The following EML6 variants were observed in gnomAD, a reference collection of about 807,000 sequenced individuals.
EML6 encodes the protein EMAP like 6.
Under a neutral mutation model 240.1 loss-of-function variants are expected in EML6, and 154 were observed. The ratio of observed to expected loss-of-function variants is 0.64; its 90% CI spans 0.56 to 0.73. The LOEUF is 0.73. EML6 is among the 30% of genes least tolerant of loss of function. The probability of loss-of-function intolerance (pLI) is 0.00; values close to 1 mark genes in which losing one functional copy is unlikely to be tolerated. For missense variants in EML6, 2,964 were observed against 2,474.6 expected (o/e 1.20, Z -4.20); for synonymous variants, 1,148 against 899.0 (o/e 1.28, Z -4.95).
chr2:54,835,882 T>TA (rs1226789780), intron 7 of EML6, among the ~76,000 whole-genome samples: 1 of 152,176 alleles, frequency 6.6e-6, no homozygotes, highest in Non-Finnish European at 1.5e-5. Context: ...GTGTTGTTGT[T>TA]AAGATCCCTT....
intron 11 of EML6, among the ~76,000 whole-genome samples, chr2:54,857,559 T>C (rs1343636182): frequency 6.6e-6 from 1 of 152,004 alleles, no homozygotes; most frequent in Non-Finnish European, 1.5e-5. Context: ...TACAAGAAAA[T>C]ATAAACATCT....
intron 2 of EML6, among the ~76,000 whole-genome samples, chr2:54,808,073 G>A (rs1409037846): frequency 6.6e-6 from 1 of 152,120 alleles, no homozygotes; most frequent in African/African-American, 2.4e-5. Flanking sequence ...GGGTTCTGTG[G>A]GGTTCACACA....
intron 5 of EML6, among the ~76,000 whole-genome samples, chr2:54,822,676 CT>C (rs146247163): frequency 6.6e-6 from 1 of 151,826 alleles, no homozygotes; most frequent in Non-Finnish European, 1.5e-5. Flanking sequence ...AGATTTGTGG[CT>C]TTTTTTTCTT....
chr2:54,785,533 A>G (rs957766521), intron 2 of EML6, among the ~76,000 whole-genome samples: 4 of 152,176 alleles, frequency 2.6e-5, no homozygotes, highest in Non-Finnish European at 5.9e-5. Context: ...CCACAATAGC[A>G]AAGTACTACA....
At position 54,895,109 on chromosome 2, in the gene EML6, G is replaced by A; in HGVS notation, c.2854+83G>A. 6 of 1,334,258 alleles carry A rather than the reference G, an allele frequency of 4.5e-6. No individual in the cohort carries two copies. The South Asian group carries it at 6.5e-5, about 15-fold the overall frequency. The allele number at this position is 1,334,258 out of a possible 1,614,324, so 82.7% of individuals were successfully genotyped here. A position where few individuals can be genotyped will look rare whatever the true frequency, so the allele number is the denominator to read the frequency against. ...TACTAAAGTTTTTAGAAAACTATTAGCAAATCAATTTTCTCCCTCTTCCAT... is the reference window on the plus strand; with the variant it reads ...TACTAAAGTTTTTAGAAAACTATTAACAAATCAATTTTCTCCCTCTTCCAT... On this transcript the variant is annotated intron_variant, in intron 20 of 41. Coordinates refer to ENST00000356458, the MANE Select transcript of EML6 (RefSeq NM_001039753.4).
At chr2:54,837,239 G>A (rs1669199704) in intron 7 of EML6, among the ~76,000 whole-genome samples, 1 of 152,162 alleles carries the variant, frequency 6.6e-6, no homozygotes, top group South Asian at 2.1e-4. Context: ...CACAGATACA[G>A]GAAATAACTT....
intron 2 of EML6, among the ~76,000 whole-genome samples, chr2:54,798,469 G>A (rs191509756): frequency 1.7e-4 from 26 of 152,104 alleles, no homozygotes; most frequent in Admixed American, 2.6e-4. Flanking sequence ...GACCACACCC[G>A]GCCATTTTAT....
chr2:54,883,597 A>G (rs1279340761), intron 17 of EML6, among the ~76,000 whole-genome samples: 1 of 152,178 alleles, frequency 6.6e-6, no homozygotes, highest in Non-Finnish European at 1.5e-5. Flanking sequence ...TATGCGGTGA[A>G]TTCCTTGTGA....
chr2:54,826,550 A>T (rs1169006790), intron 5 of EML6, among the ~76,000 whole-genome samples: 1 of 152,230 alleles, frequency 6.6e-6, no homozygotes, highest in East Asian at 1.9e-4. Flanking sequence ...CAGTGAGCCA[A>T]GATCGGGCCA....
chr2:54,809,983 G>T (rs1374121196), intron 2 of EML6, among the ~76,000 whole-genome samples: 1 of 152,168 alleles, frequency 6.6e-6, no homozygotes, highest in African/African-American at 2.4e-5. Flanking sequence ...GTGAATAAAG[G>T]TGGTTCTCTG....
chr2:54,950,372 T>A (rs757781262), intron 29 of EML6, among the ~76,000 whole-genome samples: 1 of 152,218 alleles, frequency 6.6e-6, no homozygotes, highest in Non-Finnish European at 1.5e-5. Context: ...CTCTGGACTT[T>A]GGCACACTGA....
chr2:54,822,876 T>C (rs553437329), intron 5 of EML6, among the ~76,000 whole-genome samples: 1 of 152,300 alleles, frequency 6.6e-6, no homozygotes, highest in Non-Finnish European at 1.5e-5. Flanking sequence ...GAGGTTCCAC[T>C]ACTCAAAAGT....
chr2:54,916,128 G>A (rs1401512085), intron 25 of EML6, among the ~76,000 whole-genome samples: 1 of 152,210 alleles, frequency 6.6e-6, no homozygotes, highest in East Asian at 1.9e-4. Context: ...GAGCATACAG[G>A]ATATTAAGCT....
chr2:54,823,855 T>TCTCTCTCTCTCTCTCTCTCTCTCC (rs1668447482), intron 5 of EML6, among the ~76,000 whole-genome samples: 1 of 145,664 alleles, frequency 6.9e-6, no homozygotes, highest in African/African-American at 2.7e-5. Context: ...ATTCATTCTC[T>TCTCTCTCTCTCTCTCTCTCTCTCC]CTCTCTCTCT....
chr2:54,864,637 C>G (rs1211384184), intron 13 of EML6, among the ~76,000 whole-genome samples: 1 of 152,190 alleles, frequency 6.6e-6, no homozygotes, highest in Non-Finnish European at 1.5e-5. Flanking sequence ...ATTTCAGATA[C>G]ATGAACTGTA....
At chr2:54,883,066 C>G (rs540895689) in intron 17 of EML6, among the ~76,000 whole-genome samples, 2 of 151,472 alleles carry the variant, frequency 1.3e-5, no homozygotes, top group African/African-American at 2.4e-5. Flanking sequence ...TAAAATAACA[C>G]TTATTCTTTC....
chr2:54,937,902 C>G (rs1373789992), intron 28 of EML6, among the ~76,000 whole-genome samples: 1 of 152,166 alleles, frequency 6.6e-6, no homozygotes, highest in Non-Finnish European at 1.5e-5. Flanking sequence ...AGAATCAAAG[C>G]AAAACTTGGC....
intron 35 of EML6, among the ~76,000 whole-genome samples, chr2:54,962,041 A>C (rs1173973294): frequency 6.8e-6 from 1 of 148,044 alleles, no homozygotes; most frequent in African/African-American, 2.5e-5. Context: ...ACCCCTTCTT[A>C]TTTTAATATT....
intron 39 of EML6, among the ~76,000 whole-genome samples, 153 bp from the exon 40 acceptor site, chr2:54,967,975 A>G (rs1192901327): frequency 1.3e-5 from 2 of 152,188 alleles, no homozygotes; most frequent in Non-Finnish European, 2.9e-5. Flanking sequence ...GGTTCCTAAC[A>G]GGCCATGGAC....
Sources: gnomAD v4.1 joint callset for allele counts (sites outside exome capture counted in the v4.1 genomes callset) on GRCh38, gnomAD v4.1.1 for gene constraint, MANE v1.5 for transcripts, NCBI Gene and HGNC (gene_info 2026-07-23, HGNC 2026-07-21) for gene names.